VAV2: variants seen among roughly 807,000 people sequenced by gnomAD.
The protein encoded by VAV2 is guanine nucleotide exchange factor VAV2.
A neutral mutation model predicts 132.5 loss-of-function variants in VAV2; 67 were observed. The observed-to-expected ratio is 0.51, with a 90% CI of 0.42 to 0.62. The LOEUF is 0.62. VAV2 is among the 20% of genes least tolerant of loss of function. VAV2 has a pLI of 0.00. For synonymous variants in VAV2, 492 were observed against 443.5 expected (o/e 1.11, Z -1.37); for missense variants, 938 against 1,153.6 (o/e 0.81, Z 2.71).
chr9:133,770,359 G>T lies in VAV2; in HGVS notation c.2347+19C>A, dbSNP rs377035593. 6.2e-7 allele frequency: 1 copy of T among 1,613,574 alleles called. No individual in the cohort carries two copies. The highest frequency in any genetic ancestry group is 1.1e-5 in the South Asian group (1 of 91,038). On this transcript the variant is annotated intron_variant, in intron 27 of 29. Coordinates refer to ENST00000371850, the MANE Select transcript of VAV2 (RefSeq NM_001134398.2). ...CCCCTCCGAGGAGTGCTGGTGTGCC[G>T]GCTGGGCCGGGGCGTTACCTGGGGA...
intron 1 of VAV2, among the ~76,000 whole-genome samples, chr9:133,987,834 G>A (rs1842904291): frequency 6.6e-6 from 1 of 152,122 alleles, no homozygotes; most frequent in Non-Finnish European, 1.5e-5. Context: ...AAACCCACGG[G>A]GCTTCCAGGC....
chr9:133,888,762 C>T (rs1212640373), intron 2 of VAV2, among the ~76,000 whole-genome samples: 1 of 152,238 alleles, frequency 6.6e-6, no homozygotes, highest in Non-Finnish European at 1.5e-5. Context: ...CAAAGGGCGT[C>T]ATCCCAGCGG....
At chr9:133,887,876 C>T (rs1018406596) in intron 2 of VAV2, among the ~76,000 whole-genome samples, 4 of 152,006 alleles carry the variant, frequency 2.6e-5, no homozygotes, top group Non-Finnish European at 4.4e-5. Context: ...CTCCTCACCA[C>T]CAGCCCTGAA....
At chr9:133,817,500 C>T (rs1262051891) in intron 4 of VAV2, among the ~76,000 whole-genome samples, 4 of 152,116 alleles carry the variant, frequency 2.6e-5, no homozygotes, top group Middle Eastern at 3.2e-3. Flanking sequence ...TAAAAATACT[C>T]GGGAGACTGA....
intron 3 of VAV2, among the ~76,000 whole-genome samples, chr9:133,859,871 G>T (rs912995886): frequency 1.3e-5 from 2 of 152,230 alleles, no homozygotes; most frequent in African/African-American, 4.8e-5. Flanking sequence ...CTGGCGGAGG[G>T]ACTGGTGGGG....
intron 2 of VAV2, among the ~76,000 whole-genome samples, chr9:133,906,703 C>A (rs1311675362): frequency 1.3e-5 from 2 of 152,208 alleles, no homozygotes; most frequent in Non-Finnish European, 1.5e-5. Flanking sequence ...GACCTCACGC[C>A]GCAGAACCTG....
Position 133,824,869 on chromosome 9 carries a change from C to A in VAV2, c.449+9403G>T, listed in dbSNP as rs1012564183. Among the ~76,000 whole-genome samples, 1 of 152,152 alleles carries A rather than the reference C, an allele frequency of 6.6e-6. No individual in the cohort carries two copies. The highest frequency in any genetic ancestry group is 1.9e-4 in the East Asian group (1 of 5,178). ...AGAGCCCCGTCTCCTTCCTGTCCAG[C>A]GAGAGGGCTCAGGGCCCGGCCTGCA... On this transcript the variant is annotated intron_variant, in intron 4 of 29. Transcript: ENST00000371850. This position sits in a 1 kb window ranked among gnomAD's most constrained non-coding sequence, Gnocchi z 5.2.
In VAV2 at chr9:133,796,510, C is replaced by T. The variant is rs1228758461; in HGVS notation, c.951G>A (p.Lys317=). 2.5e-6 allele frequency: 4 copies of T among 1,613,570 alleles called. No homozygotes were observed. The highest frequency in any genetic ancestry group is 3.4e-6 in the Non-Finnish European group (4 of 1,179,870). The change falls in exon 11 of 30, where the codon AAG becomes AAA. Residue 317 remains lysine, a synonymous_variant. Coordinates refer to ENST00000371850, the MANE Select transcript of VAV2 (RefSeq NM_001134398.2). Reference sequence around the variant, plus strand: ...GCAGCTTAAATTTTCCATCCTGGACCTTCAGTGTGCACTCCTGGGAGGGCG... The same window carrying T: ...GCAGCTTAAATTTTCCATCCTGGACTTTCAGTGTGCACTCCTGGGAGGGCG... ...FRQKVEECTL[K]VQDGKFKLQD... is the part of the protein sequence containing the mutation.
At chr9:133,985,691 A>T (rs559267018) in intron 1 of VAV2, among the ~76,000 whole-genome samples, 18 of 152,298 alleles carry the variant, frequency 1.2e-4, no homozygotes, top group African/African-American at 4.3e-4. Flanking sequence ...AGCCTGGAAC[A>T]TCTTGTTGAC....
chr9:133,916,148 C>T (rs951253736), intron 2 of VAV2, among the ~76,000 whole-genome samples: 1 of 152,236 alleles, frequency 6.6e-6, no homozygotes, highest in African/African-American at 2.4e-5. Context: ...GCTGCTCCCC[C>T]AGGGAGAATG....
chr9:133,964,024 T>TATGTACATATGTAC (rs1215363118), intron 1 of VAV2, among the ~76,000 whole-genome samples: 1 of 49,788 alleles, frequency 2.0e-5, no homozygotes, highest in African/African-American at 1.1e-4. Flanking sequence ...TATTCATTCA[T>TATGTACATATGTAC]ATATATATAT....
intron 2 of VAV2, among the ~76,000 whole-genome samples, chr9:133,931,934 C>A (rs1463834357): frequency 6.6e-6 from 1 of 152,182 alleles, no homozygotes; most frequent in Non-Finnish European, 1.5e-5. Flanking sequence ...ACAGGCGACA[C>A]CACGGCACAT....
chr9:133,950,036 C>T (rs1002953595), intron 1 of VAV2, among the ~76,000 whole-genome samples: 1 of 152,168 alleles, frequency 6.6e-6, no homozygotes, highest in African/African-American at 2.4e-5. Flanking sequence ...GCTGGGGCTC[C>T]CACCCGCTGC....
At chr9:133,947,111 G>A (rs974823775) in intron 1 of VAV2, among the ~76,000 whole-genome samples, 1 of 152,194 alleles carries the variant, frequency 6.6e-6, no homozygotes, top group African/African-American at 2.4e-5. Context: ...GAGAGTCCAC[G>A]ATGCCTTCCA....
chr9:133,904,116 T>C (rs1425722092), intron 2 of VAV2, among the ~76,000 whole-genome samples: 1 of 152,188 alleles, frequency 6.6e-6, no homozygotes, highest in Admixed American at 6.5e-5. Context: ...GTAAATTCTG[T>C]GCCCCAAATC....
intron 4 of VAV2, among the ~76,000 whole-genome samples, chr9:133,827,175 C>T (rs113839063): frequency 3.3e-5 from 5 of 150,960 alleles, no homozygotes; most frequent in African/African-American, 9.8e-5. Context: ...CCACCTACCG[C>T]TGCGCCCACT....
chr9:133,847,716 C>G (rs1212941414), intron 3 of VAV2, among the ~76,000 whole-genome samples: 1 of 152,206 alleles, frequency 6.6e-6, no homozygotes, highest in African/African-American at 2.4e-5. Context: ...TGAGCCTCAA[C>G]TTCCTCCTCT....
At chr9:133,800,721 T>C (rs1257447251) in intron 9 of VAV2, among the ~76,000 whole-genome samples, 2 of 152,152 alleles carry the variant, frequency 1.3e-5, no homozygotes, top group African/African-American at 2.4e-5. Context: ...TCACACCAAG[T>C]CACCTTGGCC....
intron 1 of VAV2, among the ~76,000 whole-genome samples, chr9:133,970,966 A>T (rs1281721503): frequency 6.6e-6 from 1 of 152,240 alleles, no homozygotes; most frequent in Non-Finnish European, 1.5e-5. Context: ...CATTTGCATG[A>T]GAAGGGAATG....
Sources: allele counts gnomAD v4.1 joint callset (sites outside exome capture counted in the v4.1 genomes callset), GRCh38; gene constraint gnomAD v4.1.1; non-coding constraint Gnocchi (gnomAD v3.1); transcripts MANE v1.5; gene names NCBI Gene and HGNC (gene_info 2026-07-23, HGNC 2026-07-21).